INPP5B: variants seen among roughly 807,000 people sequenced by gnomAD.
The protein encoded by INPP5B is inositol polyphosphate-5-phosphatase B, also known as type II inositol 1,4,5-trisphosphate 5-phosphatase.
INPP5B carries 90 observed loss-of-function variants against 118.5 expected under a neutral mutation model. The ratio of observed to expected loss-of-function variants is 0.76; its 90% CI spans 0.64 to 0.90. The LOEUF (loss-of-function observed/expected upper bound fraction) is 0.90, where lower values mean the gene tolerates loss of function less well. Among genes scored for constraint, INPP5B ranks in the 40% least tolerant of loss-of-function variants. INPP5B has a pLI of 0.00. For missense variants in INPP5B, 984 were observed against 1,125.6 expected, an observed-to-expected ratio of 0.87 and a Z score of 1.80; for synonymous variants, 385 against 418.9, an observed-to-expected ratio of 0.92 and a Z score of 0.99.
At chr1:37,909,313 C>T (rs1644605785) in intron 7 of INPP5B, among the ~76,000 whole-genome samples, 1 of 152,110 alleles carries the variant, frequency 6.6e-6, no homozygotes, top group South Asian at 2.1e-4. Flanking sequence ...CTCTACCCTC[C>T]TCCCCAGGCT....
chr1:37,904,653 G>A (rs537925004), intron 7 of INPP5B, among the ~76,000 whole-genome samples: 211 of 152,188 alleles, frequency 1.4e-3, no homozygotes, highest in African/African-American at 4.4e-3. Flanking sequence ...CGAGGTGGGC[G>A]GATCACCTGA....
chr1:37,878,372 C>G, intron 15 of INPP5B, 49 bp from the exon 16 acceptor site: 1 of 1,603,782 alleles, frequency 6.2e-7, no homozygotes, highest in Non-Finnish European at 8.5e-7. Flanking sequence ...CAGCAGTGCC[C>G]GCTGCCTGGC....
intron 23 of INPP5B, among the ~76,000 whole-genome samples, chr1:37,862,948 G>T (rs911592665): frequency 2.0e-5 from 3 of 152,336 alleles, no homozygotes; most frequent in South Asian, 4.1e-4. Flanking sequence ...GAGGTTGGGG[G>T]GTTGTGGGGG....
chr1:37,864,553 C>T (rs1204875361), intron 22 of INPP5B, 130 bp from the exon 23 acceptor site: 3 of 560,216 alleles, frequency 5.4e-6, no homozygotes, highest in Admixed American at 3.4e-5. Flanking sequence ...TGGTTGCTTA[C>T]CACTTGGCAT....
intron 6 of INPP5B, among the ~76,000 whole-genome samples, chr1:37,939,792 C>T (rs551180093): frequency 3.4e-4 from 51 of 151,622 alleles, no homozygotes; most frequent in African/African-American, 1.2e-3. Flanking sequence ...GCCCATGCTG[C>T]GGTGCAGTGG....
intron 12 of INPP5B, among the ~76,000 whole-genome samples, chr1:37,886,632 G>A (rs1643553128): frequency 6.6e-6 from 1 of 152,208 alleles, no homozygotes; most frequent in African/African-American, 2.4e-5. Context: ...TACTTCATGG[G>A]TGAAATGGGA....
rs57019964 is a variant in INPP5B, at chr1:37,866,385, TTCTCTC to T, written c.2386+68_2386+73del. The T allele has an allele frequency of 1.8e-3, 1,082 of 606,408 alleles. 9 individuals are homozygous for T. The African/African-American group carries it at 0.018, about 10-fold the overall frequency. 37.6% of individuals were successfully genotyped at this position (606,408 alleles called of 1,614,324 possible). On this transcript the variant is annotated intron_variant, in intron 21 of 23. Transcript: ENST00000373024. ...CTTTTTCTCACCCCTCTCACTCATA[TTCTCTC>T]TCTCTCTCTCTCTCTCACACACACA...
In INPP5B at chr1:37,941,952, A is replaced by T. The variant is rs1361200640; in HGVS notation, c.281-1154T>A. 55 of 30,500 alleles carry T rather than the reference A, an allele frequency of 1.8e-3. 2 individuals carry two copies. Among genetic ancestry groups the T allele is most frequent in the African/African-American group, 7.2e-3 (53 of 7,342 alleles). The allele number at this position is 30,500 out of a possible 1,614,324, so 1.9% of individuals were successfully genotyped here. The stretch of plus-strand genomic sequence containing the variant: ...GACTCCGTCTCAAAAAAAAAAAAAA[A>T]AAAAAAATATATATATATATATAAA... On this transcript the variant is annotated intron_variant, in intron 5 of 23. Coordinates refer to ENST00000373024, the MANE Select transcript of INPP5B (RefSeq NM_005540.3).
At chr1:37,933,076 T>C (rs1180709335) in intron 6 of INPP5B, among the ~76,000 whole-genome samples, 1 of 152,168 alleles carries the variant, frequency 6.6e-6, no homozygotes, top group Admixed American at 6.6e-5. Flanking sequence ...GGACATGATA[T>C]ATGAGAAGAC....
intron 6 of INPP5B, among the ~76,000 whole-genome samples, chr1:37,933,333 G>A (rs995772480): frequency 6.6e-6 from 1 of 152,086 alleles, no homozygotes; most frequent in Non-Finnish European, 1.5e-5. Flanking sequence ...CAGATCACGA[G>A]GTCAGGAGAT....
intron 5 of INPP5B, 104 bp from the exon 6 acceptor site, chr1:37,940,902 C>T: frequency 1.4e-6 from 1 of 712,742 alleles, no homozygotes; most frequent in South Asian, 1.8e-5. Context: ...CTCCCAAAGC[C>T]CCTTCAGCCC....
chr1:37,924,384 A>C (rs1275040966), intron 7 of INPP5B, among the ~76,000 whole-genome samples: 1 of 148,202 alleles, frequency 6.7e-6, no homozygotes, highest in East Asian at 2.1e-4. Flanking sequence ...GACCAGGCTG[A>C]TCTCAAACTC....
At chr1:37,917,472 C>T (rs867473334) in intron 7 of INPP5B, among the ~76,000 whole-genome samples, 3 of 150,584 alleles carry the variant, frequency 2.0e-5, no homozygotes, top group African/African-American at 2.4e-5. Flanking sequence ...TACAGGCATG[C>T]GCCACCACAC....
chr1:37,893,440 C>T (rs1347346244), intron 7 of INPP5B, among the ~76,000 whole-genome samples: 1 of 152,130 alleles, frequency 6.6e-6, no homozygotes, highest in African/African-American at 2.4e-5. Context: ...TAACAGCCTA[C>T]AGACTAAGGC....
At chr1:37,868,386 C>A in intron 20 of INPP5B, 115 bp downstream of exon 20, 1 of 684,076 alleles carries the variant, frequency 1.5e-6, no homozygotes, top group Admixed American at 2.2e-5. Context: ...TCCTTCCTCC[C>A]CTCCCTGGGT....
At position 37,874,123 on chromosome 1, in the gene INPP5B, C is replaced by G; in HGVS notation, c.1821G>C (p.Leu607Phe). Residue 607 changes from leucine (L) to phenylalanine (F), a missense_variant, in exon 18 of 24, where the codon TTG becomes TTC. Physicochemically the swap from Leu to Phe is conservative, Grantham distance 22 (BLOSUM62 0). Around this residue, in one of 2 missense-constraint regions of INPP5B, gnomAD observed 634 missense variants for 791.0 expected, o/e 0.80. Coordinates refer to ENST00000373024, the MANE Select transcript of INPP5B (RefSeq NM_005540.3). The stretch of plus-strand genomic sequence containing the variant: ...TATGAATTGTAAAGGATTCTACTTT[C>G]AATTGCATGTACTTCACATTCTGAA... ...FCFQNVKYMQLKVESFTIHNG... is the reference protein window; with the variant it reads ...FCFQNVKYMQFKVESFTIHNG... 2.5e-6 allele frequency: 4 copies of G among 1,591,274 alleles called. No individual in the cohort carries two copies. The highest frequency in any genetic ancestry group is 2.2e-5 in the East Asian group (1 of 44,460).
intron 7 of INPP5B, among the ~76,000 whole-genome samples, chr1:37,927,059 C>T (rs770103824): frequency 2.6e-5 from 4 of 152,060 alleles, no homozygotes; most frequent in South Asian, 2.1e-4. Context: ...GAGGCCCAGG[C>T]GGGCAGATCA....
At chr1:37,935,426 T>C (rs1376667974) in intron 6 of INPP5B, among the ~76,000 whole-genome samples, 1 of 151,192 alleles carries the variant, frequency 6.6e-6, no homozygotes, top group Non-Finnish European at 1.5e-5. Flanking sequence ...ACTCCTGACC[T>C]CGTGATCCGC....
At chr1:37,934,558 C>T (rs1450561453) in intron 6 of INPP5B, among the ~76,000 whole-genome samples, 1 of 152,148 alleles carries the variant, frequency 6.6e-6, no homozygotes, top group Non-Finnish European at 1.5e-5. Context: ...TTCCTTTTGC[C>T]TCTAGTGCCT....
Sources: gnomAD v4.1 joint callset for allele counts (sites outside exome capture counted in the v4.1 genomes callset) on GRCh38, gnomAD v4.1.1 for gene constraint, gnomAD v4.1.1 regional missense constraint, MANE v1.5 for transcripts, NCBI Gene and HGNC (gene_info 2026-07-23, HGNC 2026-07-21) for gene names.